The following RBFOX1 variants were observed in gnomAD, a reference collection of about 807,000 sequenced individuals.
RBFOX1 encodes RNA binding protein fox-1 homolog 1.
RBFOX1 carries 8 observed loss-of-function variants against 57.7 expected under a neutral mutation model. The ratio of observed to expected loss-of-function variants is 0.14; its 90% CI spans 0.08 to 0.25. The LOEUF (loss-of-function observed/expected upper bound fraction) is 0.25, where lower values mean the gene tolerates loss of function less well. Among genes scored for constraint, RBFOX1 ranks in the 10% least tolerant of loss-of-function variants. The probability of loss-of-function intolerance (pLI) is 1.00; values close to 1 mark genes in which losing one functional copy is unlikely to be tolerated. For missense variants in RBFOX1, 611 were observed against 548.5 expected, an observed-to-expected ratio of 1.11 and a Z score of -1.14; for synonymous variants, 326 against 222.4, an observed-to-expected ratio of 1.47 and a Z score of -4.15.
intron 3 of RBFOX1, among the ~76,000 whole-genome samples, chr16:6,661,985 G>A (rs1406409578): frequency 6.6e-6 from 1 of 152,142 alleles, no homozygotes; most frequent in Non-Finnish European, 1.5e-5. Context: ...TGTGCAACAA[G>A]ATAGATGAAC....
rs76202200 is a variant in RBFOX1 at position 6,922,962 on chromosome 16, C to T, written c.-15-129095C>T. Among the ~76,000 whole-genome samples the T allele has an allele frequency of 2.0e-5, 3 of 152,288 alleles. No individual in the cohort carries two copies. The East Asian group carries it at 5.8e-4, about 29-fold the overall frequency. ...ATGACCAACCAGAACATATCCAAAT[C>T]AGATGATGTAAGGTGCCTTTAATAC... On this transcript the variant is annotated intron_variant, in intron 3 of 15. Transcript: ENST00000550418.
At chr16:7,167,612 T>C (rs1023896629) in intron 4 of RBFOX1, among the ~76,000 whole-genome samples, 5 of 152,176 alleles carry the variant, frequency 3.3e-5, no homozygotes, top group African/African-American at 1.2e-4. Context: ...TACATTTCTT[T>C]TGTTTCAAGC....
chr16:5,944,238 C>A (rs1359694407), intron 4 of RBFOX1, among the ~76,000 whole-genome samples: 1 of 152,208 alleles, frequency 6.6e-6, no homozygotes, highest in African/African-American at 2.4e-5. Context: ...ACATGGGCTA[C>A]ACTCCTTGCA....
chr16:7,438,796 C>G (rs1326548365), intron 4 of RBFOX1, among the ~76,000 whole-genome samples: 2 of 152,188 alleles, frequency 1.3e-5, no homozygotes, highest in Non-Finnish European at 2.9e-5. Context: ...AATAGCGTAG[C>G]CTTGATGGGC....
At chr16:7,092,013 A>G (rs545201748) in intron 4 of RBFOX1, among the ~76,000 whole-genome samples, 19 of 152,306 alleles carry the variant, frequency 1.2e-4, no homozygotes, top group Non-Finnish European at 2.1e-4. Flanking sequence ...CTTTGTAGTA[A>G]AATTAGTCAA....
chr16:6,215,667 C>T (rs1226017058), intron 1 of RBFOX1, among the ~76,000 whole-genome samples: 1 of 152,094 alleles, frequency 6.6e-6, no homozygotes, highest in African/African-American at 2.4e-5. Flanking sequence ...TTTTGCAGCA[C>T]ATTTTGTCTC....
At chr16:6,813,316 C>A (rs1173573535) in intron 3 of RBFOX1, among the ~76,000 whole-genome samples, 2 of 152,178 alleles carry the variant, frequency 1.3e-5, no homozygotes, top group Admixed American at 1.3e-4. Flanking sequence ...CTCTTCGTTT[C>A]TAGCCTCCAG....
chr16:7,135,449 T>C (rs1567400707), intron 4 of RBFOX1, among the ~76,000 whole-genome samples: 1 of 152,340 alleles, frequency 6.6e-6, no homozygotes, highest in East Asian at 1.9e-4. Context: ...TCTTACATTG[T>C]TACCAAGCTA....
intron 4 of RBFOX1, among the ~76,000 whole-genome samples, chr16:7,155,712 A>AATAT (rs1186735495): frequency 7.9e-4 from 61 of 77,390 alleles, no homozygotes; most frequent in Non-Finnish European, 1.1e-3. Flanking sequence ...AAAAAAAAAA[A>AATAT]ATATATATAT....
intron 2 of RBFOX1, among the ~76,000 whole-genome samples, chr16:6,331,525 C>G (rs1383451549): frequency 6.6e-6 from 1 of 150,526 alleles, no homozygotes; most frequent in African/African-American, 2.5e-5. Flanking sequence ...CCTCCATTTT[C>G]TGTTTCTCTC....
At chr16:7,057,223 T>C (rs545494934) in intron 4 of RBFOX1, among the ~76,000 whole-genome samples, 2 of 152,284 alleles carry the variant, frequency 1.3e-5, no homozygotes, top group Admixed American at 6.5e-5. Flanking sequence ...TTTGATTTCA[T>C]GGTGAAGTAT....
intron 3 of RBFOX1, among the ~76,000 whole-genome samples, chr16:6,683,862 G>A (rs1213388964): frequency 6.6e-6 from 1 of 152,112 alleles, no homozygotes; most frequent in Admixed American, 6.5e-5. Flanking sequence ...TCAGCAAAGT[G>A]GAAATAACAC....
At chr16:6,679,920 C>G (rs116127241) in intron 3 of RBFOX1, among the ~76,000 whole-genome samples, 3,479 of 117,268 alleles carry the variant, frequency 0.03, 159 homozygotes, top group African/African-American at 0.12. Flanking sequence ...CTTTTCTGAG[C>G]TTTGCCTAAT....
chr16:5,705,288 G>T (rs577215827), intron 3 of RBFOX1, among the ~76,000 whole-genome samples: 3 of 152,080 alleles, frequency 2.0e-5, no homozygotes, highest in African/African-American at 4.8e-5. Flanking sequence ...TTTAGACAGG[G>T]TCTTGCTGTC....
chr16:7,449,872 G>T (rs1295146637), intron 4 of RBFOX1, among the ~76,000 whole-genome samples: 3 of 152,070 alleles, frequency 2.0e-5, no homozygotes, highest in South Asian at 2.1e-4. Flanking sequence ...TCTCAAATGC[G>T]AGGGGCTTGA....
At chr16:5,240,522 C>G (rs1235623715) in intron 1 of RBFOX1, among the ~76,000 whole-genome samples, 1 of 152,184 alleles carries the variant, frequency 6.6e-6, no homozygotes, top group African/African-American at 2.4e-5. Context: ...TGGCGCCAGG[C>G]TTGGCCAAGC....
chr16:6,558,506 A>T (rs553256838), intron 2 of RBFOX1, among the ~76,000 whole-genome samples: 126 of 152,264 alleles, frequency 8.3e-4, no homozygotes, highest in Admixed American at 1.4e-3. Context: ...CGTTGGAAGG[A>T]CATTGGAAAA....
chr16:5,780,597 G>C (rs528741749), intron 3 of RBFOX1, among the ~76,000 whole-genome samples: 17 of 152,174 alleles, frequency 1.1e-4, no homozygotes, highest in African/African-American at 3.9e-4. Context: ...TATTCACAAT[G>C]TTGAATTTCC....
At chr16:6,530,507 A>G (rs540421429) in intron 2 of RBFOX1, among the ~76,000 whole-genome samples, 9 of 152,320 alleles carry the variant, frequency 5.9e-5, no homozygotes, top group African/African-American at 2.2e-4. Flanking sequence ...ACTATCACAG[A>G]TACCTCAAAT....
Sources: allele counts gnomAD v4.1 joint callset (sites outside exome capture counted in the v4.1 genomes callset), GRCh38; gene constraint gnomAD v4.1.1; transcripts MANE v1.5; gene names NCBI Gene and HGNC (gene_info 2026-07-23, HGNC 2026-07-21).